ASB18: variants seen among roughly 807,000 people sequenced by gnomAD.
ASB18 encodes the protein ankyrin repeat and SOCS box protein 18.
ASB18 carries 33 observed loss-of-function variants against 33.4 expected under a neutral mutation model. The observed-to-expected ratio is 0.99, with a 90% CI of 0.75 to 1.32. ASB18 has a LOEUF of 1.32. ASB18 is among the 40% of genes most tolerant of loss of function. The pLI is 0.00. For synonymous variants in ASB18, 295 were observed against 307.6 expected, an observed-to-expected ratio of 0.96 and a Z score of 0.43; for missense variants, 694 against 655.5, an observed-to-expected ratio of 1.06 and a Z score of -0.64.
Position 236,220,276 on chromosome 2 carries a change from C to T in ASB18, c.597-5410G>A, listed in dbSNP as rs1439179299. ...CCTAGTCCCTTCCCAGGGCACAAGGCCTGGAGGCCTCAGCCTGGGCTCTCC... is the reference window on the plus strand; with the variant it reads ...CCTAGTCCCTTCCCAGGGCACAAGGTCTGGAGGCCTCAGCCTGGGCTCTCC... On this transcript the variant is annotated intron_variant, in intron 3 of 5. Transcript: ENST00000409749. The surrounding 1 kb of genome is among the most constrained non-coding windows in gnomAD (Gnocchi z 5.1). 1.3e-5 allele frequency among the ~76,000 whole-genome samples: 2 copies of T among 152,208 alleles called. No individual in the cohort carries two copies. The highest frequency in any genetic ancestry group is 2.9e-5 in the Non-Finnish European group (2 of 68,040).
At position 236,221,008 on chromosome 2, in the gene ASB18, C is replaced by T. The variant is rs2060508515; in HGVS notation, c.597-6142G>A. On this transcript the variant is annotated intron_variant, in intron 3 of 5. Coordinates refer to ENST00000409749, the MANE Select transcript of ASB18 (RefSeq NM_212556.4). This position sits in a 1 kb window ranked among gnomAD's most constrained non-coding sequence, Gnocchi z 5.6. Reference sequence around the variant, plus strand: ...CACAGTAACCGGTTCTCACCCAGTCCTCCTAGCTACCTGGCACGGTAGATG... The same window carrying T: ...CACAGTAACCGGTTCTCACCCAGTCTTCCTAGCTACCTGGCACGGTAGATG... Among the ~76,000 whole-genome samples, 2 of 152,158 alleles carry T rather than the reference C, an allele frequency of 1.3e-5. No individual in the cohort carries two copies. The highest frequency in any genetic ancestry group is 2.4e-5 in the African/African-American group (1 of 41,442).
intron 3 of ASB18, among the ~76,000 whole-genome samples, chr2:236,227,012 T>G (rs1348443211): frequency 6.6e-6 from 1 of 152,212 alleles, no homozygotes; most frequent in East Asian, 1.9e-4. Context: ...TGACTTTATT[T>G]GGATTTTACC....
In ASB18 at chr2:236,213,407, T is replaced by C. The variant is rs1424524373; in HGVS notation, c.1101+955A>G. Among the ~76,000 whole-genome samples the C allele has an allele frequency of 1.3e-5, 2 of 152,232 alleles. No individual in the cohort carries two copies. Among genetic ancestry groups the C allele is most frequent in the Non-Finnish European group, 2.9e-5 (2 of 68,044 alleles). On this transcript the variant is annotated intron_variant, in intron 4 of 5. Transcript: ENST00000409749. The surrounding 1 kb of genome is among the most constrained non-coding windows in gnomAD (Gnocchi z 4.8). ...ACTGAGAACACTGTACTTTTGAATA[T>C]TAGCTTTTCAGCTATTTGTTCAAAA...
Position 236,214,226 on chromosome 2 carries a change from T to C in ASB18, c.1101+136A>G. On this transcript the variant is annotated intron_variant, in intron 4 of 5. Coordinates refer to ENST00000409749, the MANE Select transcript of ASB18 (RefSeq NM_212556.4). This position sits in a 1 kb window ranked among gnomAD's most constrained non-coding sequence, Gnocchi z 6.5. ...TCCCACCCCAGACCGGCAGAGCAGA[T>C]TCTGCATTTTCACAAGTCCCCAGGG... 2 of 900,002 alleles carry C rather than the reference T, an allele frequency of 2.2e-6. No homozygotes were observed. The highest frequency in any genetic ancestry group is 3.3e-4 in the Middle Eastern group (1 of 3,062). The allele number at this position is 900,002 out of a possible 1,614,324, so 55.8% of individuals were successfully genotyped here.
At position 236,229,049 on chromosome 2, in the gene ASB18, C is replaced by T. The variant is rs1421680469; in HGVS notation, c.596+8640G>A. Among the ~76,000 whole-genome samples the T allele has an allele frequency of 6.6e-6, 1 of 151,962 alleles. No individual in the cohort carries two copies. On this transcript the variant is annotated intron_variant, in intron 3 of 5. Coordinates refer to ENST00000409749, the MANE Select transcript of ASB18 (RefSeq NM_212556.4). This position sits in a 1 kb window ranked among gnomAD's most constrained non-coding sequence, Gnocchi z 5.2. ...TTTGAAACTAGGAGTTTGAGACCATCCTGGGCAGCAAAACAAGACCCCAAC... is the reference window on the plus strand; with the variant it reads ...TTTGAAACTAGGAGTTTGAGACCATTCTGGGCAGCAAAACAAGACCCCAAC...
intron 4 of ASB18, among the ~76,000 whole-genome samples, chr2:236,207,750 C>T (rs1309670799): frequency 6.6e-6 from 1 of 152,060 alleles, no homozygotes; most frequent in East Asian, 1.9e-4. Context: ...GCTCTGAAAG[C>T]TGGGTTCCCC....
Position 236,263,660 on chromosome 2 carries a change from G to A in ASB18, c.205+481C>T, listed in dbSNP as rs573730336. Among the ~76,000 whole-genome samples, 19 of 152,260 alleles carry A rather than the reference G, an allele frequency of 1.2e-4. No individual in the cohort carries two copies. The highest frequency in any genetic ancestry group is 2.9e-4 in the African/African-American group (12 of 41,554). ...CGTATGAATCCTAATAAAGATGTTC[G>A]TTACAGCATTATTTATAGAAGCAAA... is the stretch of plus-strand genomic sequence containing the variant. On this transcript the variant is annotated intron_variant, in intron 1 of 5. Coordinates refer to ENST00000409749, the MANE Select transcript of ASB18 (RefSeq NM_212556.4). The surrounding 1 kb of genome is among the most constrained non-coding windows in gnomAD (Gnocchi z 4.0).
rs1271569393 is a variant in ASB18 at position 236,194,389 on chromosome 2, T to C, written c.*483A>G. 6.6e-6 allele frequency among the ~76,000 whole-genome samples: 1 copy of C among 152,236 alleles called. No individual in the cohort carries two copies. Among genetic ancestry groups the C allele is most frequent in the African/African-American group, 2.4e-5 (1 of 41,464 alleles). On this transcript the variant is annotated 3_prime_UTR_variant, in exon 6 of 6. Transcript: ENST00000409749. The surrounding 1 kb of genome is among the most constrained non-coding windows in gnomAD (Gnocchi z 4.5). Reference sequence around the variant, plus strand: ...TATGTGTAGCTTGCCTTTATTTCAATCTTTACTATTAGAATTGTATTGGTC... The same window carrying C: ...TATGTGTAGCTTGCCTTTATTTCAACCTTTACTATTAGAATTGTATTGGTC...
At chr2:236,218,797 C>CAA (rs574423455) in intron 3 of ASB18, among the ~76,000 whole-genome samples, 1 of 91,554 alleles carries the variant, frequency 1.1e-5, no homozygotes. Flanking sequence ...GACTCCATCT[C>CAA]AAAAAAAAAA....
chr2:236,239,688 G>T lies in ASB18; in HGVS notation c.328+1592C>A, dbSNP rs1013268146. On this transcript the variant is annotated intron_variant, in intron 2 of 5. Transcript: ENST00000409749. This position sits in a 1 kb window ranked among gnomAD's most constrained non-coding sequence, Gnocchi z 5.6. ...CATTCTATCACGGAGGGGCACCGAG[G>T]TGGTGGCCACTGGGGACCTGCTCCC... Among the ~76,000 whole-genome samples the T allele has an allele frequency of 9.2e-5, 14 of 152,260 alleles. No individual in the cohort carries two copies. Among genetic ancestry groups the T allele is most frequent in the African/African-American group, 1.2e-4 (5 of 41,474 alleles).
rs115116938 is a variant in ASB18 at position 236,205,133 on chromosome 2, C to T, written c.1102-8748G>A. Among the ~76,000 whole-genome samples, 3,912 of 152,310 alleles carry T rather than the reference C, an allele frequency of 0.026. 168 individuals carry two copies. Among genetic ancestry groups the T allele is most frequent in the African/African-American group, 0.084 (3,481 of 41,550 alleles). On this transcript the variant is annotated intron_variant, in intron 4 of 5. Transcript: ENST00000409749. This position sits in a 1 kb window ranked among gnomAD's most constrained non-coding sequence, Gnocchi z 5.4. ...GCAGATGTTAAGAGGAGGATCTTTA[C>T]AAAATATTGTTGGATTGCGTCACTC...
rs1384313190 is a variant in ASB18 at position 236,241,944 on chromosome 2, T to C, written c.206-542A>G. On this transcript the variant is annotated intron_variant, in intron 1 of 5. Transcript: ENST00000409749. The surrounding 1 kb of genome is among the most constrained non-coding windows in gnomAD (Gnocchi z 4.2). Reference sequence around the variant, plus strand: ...GACTCACTTACAAAAATGACTTTGGTGACCAGAATACTTAGCAAATAAGTA... The same window carrying C: ...GACTCACTTACAAAAATGACTTTGGCGACCAGAATACTTAGCAAATAAGTA... Among the ~76,000 whole-genome samples, 1 of 152,214 alleles carries C rather than the reference T, an allele frequency of 6.6e-6. No homozygotes were observed. The highest frequency in any genetic ancestry group is 6.5e-5 in the Admixed American group (1 of 15,276).
Position 236,223,924 on chromosome 2 carries a change from T to C in ASB18, c.597-9058A>G, listed in dbSNP as rs1042002909. Among the ~76,000 whole-genome samples the C allele has an allele frequency of 1.3e-5, 2 of 152,198 alleles. No homozygotes were observed. Among genetic ancestry groups the C allele is most frequent in the Non-Finnish European group, 2.9e-5 (2 of 68,028 alleles). ...ACCACAATTTTAAGCCATTTTCCCA[T>C]TGATATTGATGGACATTTGCATGTT... is the stretch of plus-strand genomic sequence containing the variant. On this transcript the variant is annotated intron_variant, in intron 3 of 5. Coordinates refer to ENST00000409749, the MANE Select transcript of ASB18 (RefSeq NM_212556.4). This position sits in a 1 kb window ranked among gnomAD's most constrained non-coding sequence, Gnocchi z 4.6.
In ASB18 at chr2:236,241,279, C is replaced by T. The variant is rs114268358; in HGVS notation, c.328+1G>A. On this transcript the variant is annotated splice_donor_variant, in intron 2 of 5. Transcript: ENST00000409749. LOFTEE classifies it high-confidence loss of function. This position sits in a 1 kb window ranked among gnomAD's most constrained non-coding sequence, Gnocchi z 4.2. ...GACTGAGCTTTAAAGAACAAGGGTA[C>T]CTGATAGTCCAAACGTGGCTGGAGA... 2.6e-4 allele frequency: 415 copies of T among 1,613,814 alleles called. 2 individuals carry two copies. In the African/African-American group the frequency reaches 5.1e-3, roughly 20 times the overall value.
At chr2:236,236,147 T>G (rs553717133) in intron 3 of ASB18, among the ~76,000 whole-genome samples, 8 of 152,342 alleles carry the variant, frequency 5.3e-5, no homozygotes, top group African/African-American at 1.7e-4. Context: ...TCCCAACATC[T>G]GAATGGATGA....
chr2:236,264,207 TCACAGCGTC>T lies in ASB18; in HGVS notation c.130_138del (p.Asp44_Val46del), dbSNP rs757916113. 3 of 1,613,846 alleles carry T rather than the reference TCACAGCGTC, an allele frequency of 1.9e-6. No individual in the cohort carries two copies. Among genetic ancestry groups the T allele is most frequent in the Admixed American group, 3.3e-5 (2 of 59,996 alleles). On this transcript the variant is annotated inframe_deletion, in exon 1 of 6. Coordinates refer to ENST00000409749, the MANE Select transcript of ASB18 (RefSeq NM_212556.4). The surrounding 1 kb of genome is among the most constrained non-coding windows in gnomAD (Gnocchi z 5.1). ...ATCCAGTCGTCATTGGCCAGTTCTA[TCACAGCGTC>T]CACAGGCGTGATTTCAGTGCAGATT...
In ASB18 at chr2:236,223,007, G is replaced by A. The variant is rs917920875; in HGVS notation, c.597-8141C>T. 3.3e-5 allele frequency among the ~76,000 whole-genome samples: 5 copies of A among 152,104 alleles called. No individual in the cohort carries two copies. The highest frequency in any genetic ancestry group is 2.6e-4 in the Admixed American group (4 of 15,268). The stretch of plus-strand genomic sequence containing the variant: ...AGCACTCCAGCCTGGGTGACAGAGC[G>A]AGACTCCGTCTCCAAAAAAAGGTGT... On this transcript the variant is annotated intron_variant, in intron 3 of 5. Coordinates refer to ENST00000409749, the MANE Select transcript of ASB18 (RefSeq NM_212556.4). This position sits in a 1 kb window ranked among gnomAD's most constrained non-coding sequence, Gnocchi z 4.6.
chr2:236,195,017 A>T lies in ASB18; in HGVS notation c.1256T>A (p.Leu419His), dbSNP rs774164439. The change falls in exon 6 of 6, where the codon CTC becomes CAC. Residue 419 changes from leucine to histidine, a missense_variant. Transcript: ENST00000409749. This position sits in a 1 kb window ranked among gnomAD's most constrained non-coding sequence, Gnocchi z 5.5. ...PFYQSLFALA[L>H]TPRCLQHLCR... ...AAGATGCTGCAGGCAGCGTGGGGTG[A>T]GGGCCAAGGCAAAGAGGGACTGGTA... 3 of 1,613,630 alleles carry T rather than the reference A, an allele frequency of 1.9e-6. No individual in the cohort carries two copies. Among genetic ancestry groups the T allele is most frequent in the Non-Finnish European group, 2.5e-6 (3 of 1,179,760 alleles).
chr2:236,199,411 C>CA (rs368012989), intron 4 of ASB18, among the ~76,000 whole-genome samples: 31,425 of 112,324 alleles, frequency 0.28, 4,199 homozygotes, highest in African/African-American at 0.38. Flanking sequence ...GACTCTGTTT[C>CA]AAAAAAAAAA....
Sources: allele counts gnomAD v4.1 joint callset (sites outside exome capture counted in the v4.1 genomes callset), GRCh38; gene constraint gnomAD v4.1.1; non-coding constraint Gnocchi (gnomAD v3.1); transcripts MANE v1.5; gene names NCBI Gene and HGNC (gene_info 2026-07-23, HGNC 2026-07-21).